Variants in NCAM2 observed in about 807,000 individuals in gnomAD.
The protein encoded by NCAM2 is neural cell adhesion molecule 2.
In NCAM2, 30 loss-of-function variants were observed where a neutral mutation model predicts 98.1. That is an observed-to-expected ratio of 0.31 (90% CI 0.23 to 0.41). The LOEUF is 0.41. Among genes scored for constraint, NCAM2 ranks in the 10% least tolerant of loss-of-function variants. NCAM2 has a pLI of 1.00. For synonymous variants in NCAM2, 368 were observed against 342.4 expected (o/e 1.07, Z -0.83); for missense variants, 867 against 1,005.8 (o/e 0.86, Z 1.87).
intron 15 of NCAM2, among the ~76,000 whole-genome samples, chr21:21,492,018 C>T (rs994600379): frequency 2.0e-5 from 3 of 151,392 alleles, no homozygotes; most frequent in African/African-American, 7.3e-5. Flanking sequence ...TGTATGATTA[C>T]TGTTGTAGTA....
At chr21:21,427,606 T>A (rs1436871706) in intron 11 of NCAM2, among the ~76,000 whole-genome samples, 1 of 152,100 alleles carries the variant, frequency 6.6e-6, no homozygotes, top group African/African-American at 2.4e-5. Flanking sequence ...TGGGAAGATG[T>A]TGGACAAAGA....
chr21:21,053,334 T>C (rs907611248), intron 1 of NCAM2, among the ~76,000 whole-genome samples: 5 of 152,052 alleles, frequency 3.3e-5, no homozygotes, highest in Admixed American at 3.3e-4. Flanking sequence ...TGCATCCATC[T>C]TCTTAAGTGA....
At chr21:21,293,905 T>C (rs1169223345) in intron 5 of NCAM2, among the ~76,000 whole-genome samples, 1 of 151,474 alleles carries the variant, frequency 6.6e-6, no homozygotes, top group East Asian at 1.9e-4. Flanking sequence ...TTCTTTAAAA[T>C]TGGTTAAGTT....
At chr21:21,345,791 G>A (rs1371623132) in intron 8 of NCAM2, among the ~76,000 whole-genome samples, 1 of 152,088 alleles carries the variant, frequency 6.6e-6, no homozygotes, top group Non-Finnish European at 1.5e-5. Flanking sequence ...TTTCCCTAAA[G>A]AAGGTACTAC....
intron 1 of NCAM2, among the ~76,000 whole-genome samples, chr21:21,146,890 C>T (rs1357870794): frequency 6.6e-6 from 1 of 151,570 alleles, no homozygotes; most frequent in African/African-American, 2.4e-5. Context: ...AGTGGACTTG[C>T]TGAAATCTCG....
chr21:21,489,807 G>A (rs1986697135), intron 15 of NCAM2, among the ~76,000 whole-genome samples: 1 of 151,872 alleles, frequency 6.6e-6, no homozygotes, highest in African/African-American at 2.4e-5. Context: ...AGTAAATTTT[G>A]GGACTTAACT....
At chr21:21,468,000 T>C (rs1202691817) in intron 13 of NCAM2, among the ~76,000 whole-genome samples, 2 of 152,056 alleles carry the variant, frequency 1.3e-5, no homozygotes, top group African/African-American at 4.8e-5. Context: ...ACATAGAAAA[T>C]TCTTGCACTT....
rs555127185 is a variant in NCAM2, at chr21:21,052,256, C to T, written c.55+53638C>T. Reference sequence around the variant, plus strand: ...TCGGCCCACTGCAAGCTCCGCCTCCCGGGTTCACACCATTCTCCTGCCTCA... The same window carrying T: ...TCGGCCCACTGCAAGCTCCGCCTCCTGGGTTCACACCATTCTCCTGCCTCA... On this transcript the variant is annotated intron_variant, in intron 1 of 17. Transcript: ENST00000400546. Among the ~76,000 whole-genome samples, 33 of 149,126 alleles carry T rather than the reference C, an allele frequency of 2.2e-4. No homozygotes were observed. The East Asian group carries it at 4.8e-3, about 22-fold the overall frequency.
intron 1 of NCAM2, among the ~76,000 whole-genome samples, chr21:21,040,536 C>CTACA (rs2064883861): frequency 6.6e-6 from 1 of 151,784 alleles, no homozygotes; most frequent in Admixed American, 6.6e-5. Context: ...TAGGACAAAC[C>CTACA]TACATGTCCA....
intron 6 of NCAM2, among the ~76,000 whole-genome samples, chr21:21,330,797 G>GA (rs920365665): frequency 4.6e-4 from 70 of 152,014 alleles, no homozygotes; most frequent in African/African-American, 1.5e-3. Flanking sequence ...TTTAAGGATG[G>GA]AAAAAAATGA....
At chr21:21,413,368 G>T (rs111819309) in intron 10 of NCAM2, among the ~76,000 whole-genome samples, 94 of 152,256 alleles carry the variant, frequency 6.2e-4, no homozygotes, top group Middle Eastern at 3.4e-3. Context: ...TTAAGAAAAA[G>T]ACTAGCAAGC....
At chr21:21,236,396 T>C (rs1171736627) in intron 1 of NCAM2, among the ~76,000 whole-genome samples, 2 of 152,072 alleles carry the variant, frequency 1.3e-5, no homozygotes, top group Admixed American at 1.3e-4. Context: ...TATGTTATCT[T>C]TTATTCAGTG....
chr21:21,187,462 C>T (rs57844616), intron 1 of NCAM2, among the ~76,000 whole-genome samples: 2 of 151,184 alleles, frequency 1.3e-5, no homozygotes, highest in Non-Finnish European at 2.9e-5. Flanking sequence ...ACAACAACAA[C>T]AAAAAAGGGA....
chr21:21,453,468 A>G (rs537712417), intron 12 of NCAM2, among the ~76,000 whole-genome samples: 45 of 152,214 alleles, frequency 3.0e-4, no homozygotes, highest in African/African-American at 1.1e-3. Context: ...CTTACAGGCT[A>G]TGGAGAAGAC....
chr21:21,191,682 G>T (rs1350501328), intron 1 of NCAM2, among the ~76,000 whole-genome samples: 2 of 152,070 alleles, frequency 1.3e-5, no homozygotes, highest in African/African-American at 2.4e-5. Context: ...GTTTTGGCTT[G>T]TTTTCGTTAA....
At chr21:21,142,927 T>C (rs2146662197) in intron 1 of NCAM2, among the ~76,000 whole-genome samples, 1 of 152,330 alleles carries the variant, frequency 6.6e-6, no homozygotes, top group South Asian at 2.1e-4. Context: ...TAGACAGCAA[T>C]TTTGGTTGTT....
At chr21:21,243,340 A>T (rs904545128) in intron 1 of NCAM2, among the ~76,000 whole-genome samples, 3 of 152,186 alleles carry the variant, frequency 2.0e-5, no homozygotes, top group Non-Finnish European at 4.4e-5. Flanking sequence ...AAGTCATAAA[A>T]TACTATTACA....
chr21:21,037,135 A>G (rs530485961), intron 1 of NCAM2, among the ~76,000 whole-genome samples: 4 of 152,108 alleles, frequency 2.6e-5, no homozygotes, highest in Non-Finnish European at 5.9e-5. Context: ...GGCTCAATGA[A>G]TCTTTCCATC....
intron 8 of NCAM2, among the ~76,000 whole-genome samples, chr21:21,359,959 T>A (rs2075601255): frequency 6.6e-6 from 1 of 151,890 alleles, no homozygotes; most frequent in Non-Finnish European, 1.5e-5. Flanking sequence ...TGTACAGCAA[T>A]GCATTTTGGT....
Sources: gnomAD v4.1 joint callset for allele counts (sites outside exome capture counted in the v4.1 genomes callset) on GRCh38, gnomAD v4.1.1 for gene constraint, MANE v1.5 for transcripts, NCBI Gene and HGNC (gene_info 2026-07-23, HGNC 2026-07-21) for gene names.